Variants in CKAP5 observed in about 807,000 individuals in gnomAD.
The protein encoded by CKAP5 is cytoskeleton associated protein 5, also known as cytoskeleton-associated protein 5.
Under a neutral mutation model 232.8 loss-of-function variants are expected in CKAP5, and 27 were observed. The observed-to-expected ratio is 0.12, with a 90% CI of 0.09 to 0.16. CKAP5 has a LOEUF of 0.16. CKAP5 is among the 10% of genes least tolerant of loss of function. The pLI is 1.00. For synonymous variants in CKAP5, 785 were observed against 841.1 expected, an observed-to-expected ratio of 0.93 and a Z score of 1.16; for missense variants, 1,838 against 2,424.7, an observed-to-expected ratio of 0.76 and a Z score of 5.08.
chr11:46,802,106 A>G (rs1939043777), intron 8 of CKAP5: 1 of 152,174 alleles, frequency 6.6e-6, no homozygotes, highest in Non-Finnish European at 1.5e-5. Context: ...CATTCTTCTG[A>G]GAACCATTCT....
intron 28 of CKAP5, among the ~76,000 whole-genome samples, 182 bp downstream of exon 28, chr11:46,764,949 A>G (rs1712323944): frequency 9.2e-6 from 1 of 108,864 alleles, no homozygotes; most frequent in South Asian, 3.0e-4. Context: ...AATAGGCAAT[A>G]ACTCTATTCT....
At chr11:46,779,699 A>G (rs2065322930) in intron 20 of CKAP5, among the ~76,000 whole-genome samples, 1 of 151,714 alleles carries the variant, frequency 6.6e-6, no homozygotes, top group Admixed American at 6.6e-5. Context: ...GGCTCACTGG[A>G]GCCTCAACCT....
chr11:46,759,578 C>A (rs988200479), intron 33 of CKAP5, 136 bp from the exon 34 acceptor site: 23 of 812,480 alleles, frequency 2.8e-5, no homozygotes, highest in Non-Finnish European at 3.0e-5. Context: ...TGATTTAAGT[C>A]CCTGAGTCTA....
chr11:46,832,439 C>T (rs1939813099), intron 1 of CKAP5, among the ~76,000 whole-genome samples: 1 of 152,184 alleles, frequency 6.6e-6, no homozygotes, highest in South Asian at 2.1e-4. Context: ...GAAAGCTCTA[C>T]TCTAGATTAA....
At position 46,816,188 on chromosome 11, in the gene CKAP5, A is replaced by C. The variant is rs1326226296; in HGVS notation, c.458+10T>G. 6.2e-7 allele frequency: 1 copy of C among 1,608,178 alleles called. No individual in the cohort carries two copies. The highest frequency in any genetic ancestry group is 8.5e-7 in the Non-Finnish European group (1 of 1,175,634). ...CTGCTCTAGTTAACAAAGCTAAAAC[A>C]AAGTCTTACCTTAAGGCTTTCCTCA... On this transcript the variant is annotated intron_variant, in intron 4 of 43. Coordinates refer to ENST00000529230, the MANE Select transcript of CKAP5 (RefSeq NM_001008938.4).
rs2065134160 is a variant in CKAP5 at position 46,759,033 on chromosome 11, C to T, written c.4579G>A (p.Val1527Ile). ...TGCATGTCATCGAAGTGTGGAGAAA[C>T]AGCCCGGATCCTAGATAGCAGAACA... The part of the protein sequence containing the change: ...VLIPEPKIRA[V>I]SPHFDDMHSN... The change falls in exon 35 of 44, where the codon GTT becomes ATT. Residue 1527 changes from valine (V) to isoleucine (I), a missense_variant. Around this residue, in one of 6 missense-constraint regions of CKAP5, gnomAD observed 579 missense variants for 843.2 expected, o/e 0.69. Coordinates refer to ENST00000529230, the MANE Select transcript of CKAP5 (RefSeq NM_001008938.4). The T allele has an allele frequency of 6.2e-7, 1 of 1,612,952 alleles. No homozygotes were observed. The highest frequency in any genetic ancestry group is 1.1e-5 in the South Asian group (1 of 90,992).
intron 1 of CKAP5, among the ~76,000 whole-genome samples, chr11:46,837,100 T>C (rs186846124): frequency 1.3e-5 from 2 of 152,240 alleles, no homozygotes; most frequent in African/African-American, 4.8e-5. Context: ...GTATGTACTC[T>C]AGTTGATAAA....
intron 3 of CKAP5, among the ~76,000 whole-genome samples, chr11:46,817,402 A>G (rs1453105008): frequency 6.6e-6 from 1 of 152,240 alleles, no homozygotes; most frequent in East Asian, 1.9e-4. Context: ...ACTTTACAAT[A>G]ACTTTACTGC....
intron 1 of CKAP5, among the ~76,000 whole-genome samples, chr11:46,823,234 A>G (rs1939583620): frequency 6.6e-6 from 1 of 152,020 alleles, no homozygotes; most frequent in African/African-American, 2.4e-5. Flanking sequence ...GAGCCACCGC[A>G]CCCACCCCTA....
At chr11:46,746,343 T>TC (rs1283059761) in intron 42 of CKAP5, among the ~76,000 whole-genome samples, 4 of 152,216 alleles carry the variant, frequency 2.6e-5, no homozygotes, top group African/African-American at 9.6e-5. Flanking sequence ...AGGGACTTTT[T>TC]CACTGTGGGG....
At chr11:46,770,678 C>T in intron 25 of CKAP5, 110 bp downstream of exon 25, 1 of 963,976 alleles carries the variant, frequency 1.0e-6, no homozygotes, top group Non-Finnish European at 1.5e-6. Context: ...ATCCACCTGT[C>T]TCGGCCTCCC....
intron 18 of CKAP5, among the ~76,000 whole-genome samples, chr11:46,781,611 C>T (rs1223192264): frequency 1.3e-5 from 2 of 152,166 alleles, no homozygotes; most frequent in Non-Finnish European, 2.9e-5. Flanking sequence ...GTACTCCTAC[C>T]ACAGAGCTTT....
chr11:46,751,657 T>C, intron 38 of CKAP5, 123 bp from the exon 39 acceptor site: 2 of 779,778 alleles, frequency 2.6e-6, no homozygotes, highest in Non-Finnish European at 2.0e-6. Context: ...ATGTGGCACA[T>C]CATATCTTTC....
At chr11:46,814,729 T>C (rs1481680319) in intron 4 of CKAP5, among the ~76,000 whole-genome samples, 8 of 152,242 alleles carry the variant, frequency 5.3e-5, no homozygotes, top group Admixed American at 3.3e-4. Flanking sequence ...AAAAATTTCA[T>C]GGCCAAACAA....
At chr11:46,814,232 CTAAGA>C (rs1221349374) in intron 4 of CKAP5, among the ~76,000 whole-genome samples, 5 of 148,142 alleles carry the variant, frequency 3.4e-5, no homozygotes, top group South Asian at 2.2e-4. Flanking sequence ...GTTCTGATAA[CTAAGA>C]TGAGTCACTA....
At chr11:46,841,458 C>T (rs753207937) in intron 1 of CKAP5, among the ~76,000 whole-genome samples, 11 of 151,966 alleles carry the variant, frequency 7.2e-5, no homozygotes, top group Non-Finnish European at 1.3e-4. Flanking sequence ...TCAGAATTGG[C>T]GTCAGAATTG....
In CKAP5 at chr11:46,760,263, C is replaced by T. The variant is rs1412569732; in HGVS notation, c.4394+349G>A. ...CTCTACCCTGATTATAAACTCTAAG[C>T]TAGTCACCCTCCAGAGGGGATGAAT... On this transcript the variant is annotated intron_variant, in intron 33 of 43. Coordinates refer to ENST00000529230, the MANE Select transcript of CKAP5 (RefSeq NM_001008938.4). 2.4e-5 allele frequency: 9 copies of T among 376,118 alleles called. No homozygotes were observed. In the East Asian group the frequency reaches 6.1e-4, roughly 26 times the overall value. 23.3% of individuals were successfully genotyped at this position (376,118 alleles called of 1,614,324 possible). A position where few individuals can be genotyped will look rare whatever the true frequency, so the allele number is the denominator to read the frequency against.
chr11:46,766,097 A>G (rs1318152730), intron 27 of CKAP5, among the ~76,000 whole-genome samples: 1 of 152,224 alleles, frequency 6.6e-6, no homozygotes, highest in Admixed American at 6.5e-5. Flanking sequence ...GAAAATAGTA[A>G]ACAATAGTAC....
intron 7 of CKAP5, 40 bp from the exon 8 acceptor site, chr11:46,808,184 G>A: frequency 1.5e-6 from 2 of 1,297,284 alleles, no homozygotes; most frequent in Non-Finnish European, 2.2e-6. Flanking sequence ...CAGGAAATAA[G>A]AGAGCGGAAT....
Sources: gnomAD v4.1 joint callset for allele counts (sites outside exome capture counted in the v4.1 genomes callset) on GRCh38, gnomAD v4.1.1 for gene constraint, gnomAD v4.1.1 regional missense constraint, MANE v1.5 for transcripts, NCBI Gene and HGNC (gene_info 2026-07-23, HGNC 2026-07-21) for gene names.